UBR4: variants seen among roughly 807,000 people sequenced by gnomAD.
UBR4 encodes the protein ubiquitin protein ligase E3 component n-recognin 4.
UBR4 carries 124 observed loss-of-function variants against 575.6 expected under a neutral mutation model. The observed-to-expected ratio is 0.22, with a 90% CI of 0.19 to 0.25. The LOEUF is 0.25. UBR4 is among the 10% of genes least tolerant of loss of function. UBR4 has a pLI of 1.00. For missense variants in UBR4, 4,818 were observed against 6,478.8 expected, an observed-to-expected ratio of 0.74 and a Z score of 8.80; for synonymous variants, 2,455 against 2,473.7, an observed-to-expected ratio of 0.99 and a Z score of 0.22.
chr1:19,141,351 T>G lies in UBR4; in HGVS notation c.8484A>C (p.Gln2828His), dbSNP rs752007484. 6.2e-7 allele frequency: 1 copy of G among 1,614,232 alleles called. No individual in the cohort carries two copies. The highest frequency in any genetic ancestry group is 8.5e-7 in the Non-Finnish European group (1 of 1,180,034). ...LAIALSLQQD[Q>H]QGSSSSALGL... is the part of the protein sequence containing the mutation. ...GTTCTTGGCATGGCCTTCTACCTTG[T>G]TGGTCCTGCTGCAGGCTCAGGGCAA... Residue 2828 changes from glutamine (Q) to histidine (H), a missense_variant, in exon 57 of 106, where the codon CAA becomes CAC. Around this residue, in one of 29 missense-constraint regions of UBR4, gnomAD observed 129 missense variants for 198.4 expected, o/e 0.65. Transcript: ENST00000375254.
chr1:19,201,390 C>A (rs998358784), intron 2 of UBR4, among the ~76,000 whole-genome samples: 2 of 152,140 alleles, frequency 1.3e-5, no homozygotes, highest in African/African-American at 4.8e-5. Context: ...GTATCCACCA[C>A]CGCCTTCCCC....
chr1:19,103,150 G>C (rs1008396701), intron 87 of UBR4, among the ~76,000 whole-genome samples: 1 of 152,080 alleles, frequency 6.6e-6, no homozygotes, highest in Non-Finnish European at 1.5e-5. Flanking sequence ...AACACAACAA[G>C]ACTTTAAGGT....
rs763719094 is a variant in UBR4, at chr1:19,084,653, C to G, written c.14859G>C (p.Thr4953=). 1 of 1,613,982 alleles carries G rather than the reference C, an allele frequency of 6.2e-7. No homozygotes were observed. Residue 4953 remains threonine (T), a synonymous_variant, in exon 102 of 106, where the codon ACG becomes ACC. Transcript: ENST00000375254. The part of the protein sequence containing the change: ...LQECTGQREP[T]YQLNIHDIKL... ...TGATGTCATGGATGTTGAGCTGATACGTGGGCTCCCGCTGGCCTGTACATT... is the reference window on the plus strand; with the variant it reads ...TGATGTCATGGATGTTGAGCTGATAGGTGGGCTCCCGCTGGCCTGTACATT...
At chr1:19,178,918 C>T in intron 18 of UBR4, 133 bp downstream of exon 18, 1 of 1,123,824 alleles carries the variant, frequency 8.9e-7, no homozygotes, top group Non-Finnish European at 1.3e-6. Flanking sequence ...CAAGTCCATC[C>T]CTCTTCTACC....
chr1:19,197,035 A>C, intron 8 of UBR4, 106 bp downstream of exon 8: 1 of 1,373,436 alleles, frequency 7.3e-7, no homozygotes, highest in Non-Finnish European at 9.9e-7. Flanking sequence ...CCTTGAGAGA[A>C]GGAAGCAAGG....
At chr1:19,116,389 C>T (rs2080530376) in intron 73 of UBR4, among the ~76,000 whole-genome samples, 1 of 152,214 alleles carries the variant, frequency 6.6e-6, no homozygotes, top group African/African-American at 2.4e-5. Context: ...ATGGGCCACC[C>T]TAATGTGCAG....
At chr1:19,084,742 G>A in intron 101 of UBR4, 44 bp from the exon 102 acceptor site, 1 of 1,556,078 alleles carries the variant, frequency 6.4e-7, no homozygotes. Context: ...GTGAGTTCCT[G>A]GTGAAAACCC....
Position 19,191,212 on chromosome 1 carries a change from G to A in UBR4, c.1394+976C>T, listed in dbSNP as rs2092049427. Among the ~76,000 whole-genome samples the A allele has an allele frequency of 2.0e-5, 3 of 152,172 alleles. No individual in the cohort carries two copies. In the South Asian group the frequency reaches 6.2e-4, roughly 31 times the overall value. ...GGGCTGGGCGCAGTGGCTCACACCT[G>A]TAATCCCAGCACTCTAGGAGGCTGA... is the stretch of plus-strand genomic sequence containing the variant. On this transcript the variant is annotated intron_variant, in intron 11 of 105. Coordinates refer to ENST00000375254, the MANE Select transcript of UBR4 (RefSeq NM_020765.3).
intron 84 of UBR4, 152 bp from the exon 85 acceptor site, chr1:19,105,341 C>A: frequency 1.1e-6 from 1 of 917,106 alleles, no homozygotes; most frequent in Non-Finnish European, 1.6e-6. Flanking sequence ...AAGACAGCTC[C>A]AATTCCCACA....
intron 48 of UBR4, 98 bp from the exon 49 acceptor site, chr1:19,150,891 G>T: frequency 8.3e-7 from 1 of 1,203,722 alleles, no homozygotes; most frequent in Non-Finnish European, 1.2e-6. Flanking sequence ...AGTAAATCAC[G>T]TCAATTTTAT....
At chr1:19,122,305 T>C (rs991638853) in intron 66 of UBR4, among the ~76,000 whole-genome samples, 31 of 152,184 alleles carry the variant, frequency 2.0e-4, no homozygotes, top group Admixed American at 8.5e-4. Context: ...AGGTAGACCA[T>C]GACCTAAGAA....
intron 14 of UBR4, 130 bp from the exon 15 acceptor site, chr1:19,185,416 T>A: frequency 1.1e-6 from 1 of 881,606 alleles, no homozygotes; most frequent in East Asian, 2.9e-5. Context: ...GTTACAAGAT[T>A]GCATTTGTGT....
At position 19,086,693 on chromosome 1, in the gene UBR4, A is replaced by G; in HGVS notation, c.14673T>C (p.His4891=). The change falls in exon 100 of 106, where the codon CAT becomes CAC. Residue 4891 remains histidine (H), a synonymous_variant. Transcript: ENST00000375254. ...SHFNIVHYDC[H]LAAVRLARGR... ...CCAGGGCCTACCTGACGGCAGCCAG[A>G]TGGCAGTCGTAGTGCACAATGTTGA... 1 of 1,614,140 alleles carries G rather than the reference A, an allele frequency of 6.2e-7. No individual in the cohort carries two copies. The highest frequency in any genetic ancestry group is 1.1e-5 in the South Asian group (1 of 91,078).
intron 88 of UBR4, among the ~76,000 whole-genome samples, chr1:19,101,097 T>C (rs2078584766): frequency 6.6e-6 from 1 of 152,106 alleles, no homozygotes; most frequent in Non-Finnish European, 1.5e-5. Flanking sequence ...ACTGTGCTTC[T>C]ACACAGTTCA....
Position 19,100,916 on chromosome 1 carries a change from T to A in UBR4, c.13024-343A>T. 6.6e-6 allele frequency among the ~76,000 whole-genome samples: 1 copy of A among 152,058 alleles called. No individual in the cohort carries two copies. Among genetic ancestry groups the A allele is most frequent in the Non-Finnish European group, 1.5e-5 (1 of 68,018 alleles). Reference sequence around the variant, plus strand: ...TCCTCCTCCTGCTGGTCTCATGTGATGCTAACCAATTTGGGGCCAGAGGAC... The same window carrying A: ...TCCTCCTCCTGCTGGTCTCATGTGAAGCTAACCAATTTGGGGCCAGAGGAC... On this transcript the variant is annotated intron_variant, in intron 88 of 105. Transcript: ENST00000375254. The surrounding 1 kb of genome is among the most constrained non-coding windows in gnomAD (Gnocchi z 4.2).
At chr1:19,120,152 G>C in intron 69 of UBR4, 28 bp downstream of exon 69, 4 of 1,610,798 alleles carry the variant, frequency 2.5e-6, no homozygotes, top group Non-Finnish European at 3.4e-6. Context: ...CACCCTTGCA[G>C]ATCTGTCAAA....
Position 19,198,596 on chromosome 1 carries a change from G to A in UBR4, c.593C>T (p.Thr198Ile). Residue 198 changes from threonine to isoleucine, a missense_variant, in exon 5 of 106, where the codon ACC becomes ATC. This residue lies in a region of UBR4 where 83 missense variants were observed against 77.3 expected (regional missense o/e 1.07). Coordinates refer to ENST00000375254, the MANE Select transcript of UBR4 (RefSeq NM_020765.3). ...EVQMNFLNQLTSVFNPRTVAS... is the reference protein window; with the variant it reads ...EVQMNFLNQLISVFNPRTVAS... The stretch of plus-strand genomic sequence containing the variant: ...TACAGTTCTAGGGTTAAAAACTGAG[G>A]TCAGCTGGTTCAAAAAATTCATCTG... 6.2e-7 allele frequency: 1 copy of A among 1,614,144 alleles called. No homozygotes were observed. Among genetic ancestry groups the A allele is most frequent in the Non-Finnish European group, 8.5e-7 (1 of 1,180,030 alleles).
chr1:19,101,451 C>T (rs900136044), intron 88 of UBR4, 69 bp downstream of exon 88: 3 of 1,534,678 alleles, frequency 2.0e-6, no homozygotes, highest in Non-Finnish European at 2.7e-6. Flanking sequence ...TAATGAATCA[C>T]CAAGAGGCTT....
intron 54 of UBR4, among the ~76,000 whole-genome samples, 187 bp from the exon 55 acceptor site, chr1:19,144,278 A>G (rs1348129702): frequency 6.6e-6 from 1 of 152,226 alleles, no homozygotes; most frequent in East Asian, 1.9e-4. Context: ...GCACACATTA[A>G]GAGCCATTCG....
Sources: allele counts gnomAD v4.1 joint callset (sites outside exome capture counted in the v4.1 genomes callset), GRCh38; gene constraint gnomAD v4.1.1; regional missense constraint gnomAD v4.1.1; non-coding constraint Gnocchi (gnomAD v3.1); transcripts MANE v1.5; gene names NCBI Gene and HGNC (gene_info 2026-07-23, HGNC 2026-07-21).